Variants in VPS35L observed in about 807,000 individuals in gnomAD.
VPS35L encodes VPS35 endosomal protein sorting factor like.
In VPS35L, 83 loss-of-function variants were observed where a neutral mutation model predicts 133.0. The observed-to-expected ratio is 0.62, with a 90% confidence interval of 0.52 to 0.75. The LOEUF is 0.75. Among genes scored for constraint, VPS35L ranks in the 30% least tolerant of loss-of-function variants. The pLI is 0.00. For synonymous variants in VPS35L, 423 were observed against 449.9 expected (o/e 0.94, Z 0.76); for missense variants, 1,083 against 1,206.8 (o/e 0.90, Z 1.52).
chr16:19,669,371 G>T, intron 27 of VPS35L, 72 bp downstream of exon 27: 2 of 1,473,432 alleles, frequency 1.4e-6, no homozygotes, highest in Non-Finnish European at 1.8e-6. Flanking sequence ...TGTGTTCTTA[G>T]GCCTAAAACT....
At chr16:19,557,569 G>A (rs1970900538) in intron 1 of VPS35L, among the ~76,000 whole-genome samples, 1 of 151,980 alleles carries the variant, frequency 6.6e-6, no homozygotes, top group African/African-American at 2.4e-5. Flanking sequence ...TTTTAGTAGA[G>A]ACGGTGTTTC....
Position 19,699,351 on chromosome 16 carries a change from G to A in VPS35L, c.2647-151G>A. On this transcript the variant is annotated intron_variant, in intron 29 of 30. Coordinates refer to ENST00000417362, the MANE Select transcript of VPS35L (RefSeq NM_020314.7). The surrounding 1 kb of genome is among the most constrained non-coding windows in gnomAD (Gnocchi z 4.2). ...AGATGAAGCAGCTGGGACTTTGGGA[G>A]GTTCAGCAGCTTGCCCTACAGCAAA... The A allele has an allele frequency of 1.1e-6, 1 of 920,464 alleles. No homozygotes were observed. Among genetic ancestry groups the A allele is most frequent in the Non-Finnish European group, 1.6e-6 (1 of 621,760 alleles). 57.0% of individuals were successfully genotyped at this position (920,464 alleles called of 1,614,324 possible). A position where few individuals can be genotyped will look rare whatever the true frequency, so the allele number is the denominator to read the frequency against.
intron 29 of VPS35L, among the ~76,000 whole-genome samples, chr16:19,691,984 C>T (rs1480669551): frequency 6.6e-6 from 1 of 152,014 alleles, no homozygotes; most frequent in Non-Finnish European, 1.5e-5. Context: ...AGGCGATTCT[C>T]CTGCCTCAGC....
intron 10 of VPS35L, 68 bp from the exon 11 acceptor site, chr16:19,608,906 G>C: frequency 7.0e-7 from 1 of 1,423,920 alleles, no homozygotes; most frequent in Non-Finnish European, 9.9e-7. Context: ...TTCATGGATA[G>C]TTTAGTCTTT....
intron 12 of VPS35L, among the ~76,000 whole-genome samples, chr16:19,613,516 T>C (rs901640324): frequency 6.6e-6 from 1 of 152,212 alleles, no homozygotes; most frequent in East Asian, 1.9e-4. Context: ...TGCTGTTCTT[T>C]GAGTTGGCTT....
At chr16:19,696,243 GA>G (rs1236091435) in intron 29 of VPS35L, among the ~76,000 whole-genome samples, 3 of 152,154 alleles carry the variant, frequency 2.0e-5, no homozygotes, top group Admixed American at 6.5e-5. Flanking sequence ...GGAGTCCTCT[GA>G]AGTCTGGTAC....
At position 19,580,578 on chromosome 16, in the gene VPS35L, G is replaced by A. The variant is rs73531998; in HGVS notation, c.511-947G>A. 5.9e-3 allele frequency among the ~76,000 whole-genome samples: 904 copies of A among 152,176 alleles called. 10 individuals are homozygous for A. The highest frequency in any genetic ancestry group is 0.02 in the African/African-American group (822 of 41,528). On this transcript the variant is annotated intron_variant, in intron 6 of 30. Coordinates refer to ENST00000417362, the MANE Select transcript of VPS35L (RefSeq NM_020314.7). ...CAGGGTTAAGGAGCATTTACTGTGC[G>A]TCAGGGACCGTGCCAAGTCATTACC...
chr16:19,594,340 A>G (rs1972133900), intron 8 of VPS35L, among the ~76,000 whole-genome samples: 1 of 152,148 alleles, frequency 6.6e-6, no homozygotes, highest in Non-Finnish European at 1.5e-5. Context: ...CAGCAAACAG[A>G]AGGGATAAAA....
chr16:19,592,582 A>G (rs1972078361), intron 8 of VPS35L, among the ~76,000 whole-genome samples: 1 of 151,972 alleles, frequency 6.6e-6, no homozygotes, highest in African/African-American at 2.4e-5. Flanking sequence ...TGAGCTGGGA[A>G]TCTGAGCATC....
intron 27 of VPS35L, among the ~76,000 whole-genome samples, chr16:19,671,045 C>T (rs1974856364): frequency 6.6e-6 from 1 of 152,216 alleles, no homozygotes; most frequent in Admixed American, 6.5e-5. Flanking sequence ...ATTGCTAGAG[C>T]TGTTAATGCA....
In VPS35L at chr16:19,700,553, C is replaced by T. The variant is rs924845069; in HGVS notation, c.*77C>T. 5.0e-5 allele frequency: 62 copies of T among 1,229,800 alleles called. No individual in the cohort carries two copies. Among genetic ancestry groups the T allele is most frequent in the African/African-American group, 7.6e-5 (5 of 65,876 alleles). The allele number at this position is 1,229,800 out of a possible 1,614,324, so 76.2% of individuals were successfully genotyped here. On this transcript the variant is annotated 3_prime_UTR_variant, in exon 31 of 31. Transcript: ENST00000417362. ...TCTGCTCTGCTGCCCTGAACTCTTA[C>T]GGCAATTTAGGTTTCTCATTTTTCT...
intron 22 of VPS35L, among the ~76,000 whole-genome samples, chr16:19,643,875 T>C (rs1973860328): frequency 2.6e-5 from 4 of 152,070 alleles, no homozygotes; most frequent in Admixed American, 2.6e-4. Flanking sequence ...GGAGAATCGC[T>C]TGAACCTGGG....
At chr16:19,691,753 C>T (rs943860447) in intron 29 of VPS35L, among the ~76,000 whole-genome samples, 9 of 152,300 alleles carry the variant, frequency 5.9e-5, no homozygotes, top group African/African-American at 2.2e-4. Flanking sequence ...GGAGCCACCA[C>T]CACCTGCATG....
intron 19 of VPS35L, among the ~76,000 whole-genome samples, chr16:19,637,285 C>T (rs1437844421): frequency 6.6e-6 from 1 of 152,110 alleles, no homozygotes; most frequent in African/African-American, 2.4e-5. Flanking sequence ...TCCATTGAGT[C>T]CTTACTGCTT....
intron 27 of VPS35L, among the ~76,000 whole-genome samples, chr16:19,672,223 G>A (rs995805123): frequency 6.6e-6 from 1 of 152,138 alleles, no homozygotes; most frequent in Non-Finnish European, 1.5e-5. Flanking sequence ...CAGTACCTGG[G>A]ATTACAGGTG....
intron 3 of VPS35L, among the ~76,000 whole-genome samples, chr16:19,571,764 C>T (rs749399975): frequency 4.0e-5 from 6 of 151,534 alleles, no homozygotes; most frequent in Admixed American, 6.6e-5. Context: ...AGGCTGGTCT[C>T]GAACTCCTAA....
At chr16:19,608,920 C>G (rs1431939665) in intron 10 of VPS35L, 54 bp from the exon 11 acceptor site, 3 of 1,535,424 alleles carry the variant, frequency 2.0e-6, no homozygotes, top group Non-Finnish European at 2.7e-6. Flanking sequence ...AGTCTTTTCT[C>G]CATAGGGAGT....
At chr16:19,672,036 C>G (rs1404950772) in intron 27 of VPS35L, among the ~76,000 whole-genome samples, 1 of 152,136 alleles carries the variant, frequency 6.6e-6, no homozygotes, top group Non-Finnish European at 1.5e-5. Flanking sequence ...AGGCTGAGCT[C>G]CTGGGCTAAA....
rs149629391 is a variant in VPS35L at position 19,686,139 on chromosome 16, C to A, written c.2527+3749C>A. ...TTTGAATGTGCAACTGTGACCTGCC[C>A]GGCGTCTTGGTAGGAGACCCAGGGA... On this transcript the variant is annotated intron_variant, in intron 28 of 30. Transcript: ENST00000417362. Among the ~76,000 whole-genome samples the A allele has an allele frequency of 4.0e-3, 613 of 152,236 alleles. 7 individuals carry two copies. Among genetic ancestry groups the A allele is most frequent in the African/African-American group, 0.014 (596 of 41,550 alleles).
Sources: gnomAD v4.1 joint callset for allele counts (sites outside exome capture counted in the v4.1 genomes callset) on GRCh38, gnomAD v4.1.1 for gene constraint, Gnocchi (gnomAD v3.1) non-coding constraint, MANE v1.5 for transcripts, NCBI Gene and HGNC (gene_info 2026-07-23, HGNC 2026-07-21) for gene names.